Variants in ATP13A5 observed in about 807,000 individuals in gnomAD.
ATP13A5 encodes ATPase 13A5.
ATP13A5 carries 149 observed loss-of-function variants against 150.2 expected under a neutral mutation model. That is an observed-to-expected ratio of 0.99 (90% CI 0.87 to 1.14). The LOEUF (loss-of-function observed/expected upper bound fraction) is 1.14, where lower values mean the gene tolerates loss of function less well. ATP13A5 is among the 50% of genes most tolerant of loss of function. The probability of loss-of-function intolerance (pLI) is 0.00; values close to 1 mark genes in which losing one functional copy is unlikely to be tolerated. For missense variants in ATP13A5, 1,383 were observed against 1,449.3 expected (o/e 0.95, Z 0.74); for synonymous variants, 497 against 522.2 (o/e 0.95, Z 0.66).
At chr3:193,329,917 T>C (rs1033286541) in intron 12 of ATP13A5, among the ~76,000 whole-genome samples, 11 of 152,146 alleles carry the variant, frequency 7.2e-5, no homozygotes, top group African/African-American at 2.7e-4. Flanking sequence ...AGAAAACACC[T>C]AAAGAAATGT....
intron 6 of ATP13A5, 147 bp downstream of exon 6, chr3:193,353,980 C>T (rs560606245): frequency 6.5e-5 from 39 of 598,354 alleles, no homozygotes; most frequent in Admixed American, 1.0e-4. Context: ...TTAAAGTAAA[C>T]CTGAGTTTAA....
chr3:193,294,613 T>C (rs1002973639), intron 25 of ATP13A5, among the ~76,000 whole-genome samples: 4 of 152,072 alleles, frequency 2.6e-5, no homozygotes, highest in African/African-American at 7.2e-5. Context: ...TGTGATGGTA[T>C]TGTCTCTTCC....
At chr3:193,320,991 C>T (rs188058860) in intron 16 of ATP13A5, among the ~76,000 whole-genome samples, 3 of 152,284 alleles carry the variant, frequency 2.0e-5, no homozygotes, top group East Asian at 3.9e-4. Context: ...CTCCTCCCAT[C>T]GATCTGATTC....
intron 17 of ATP13A5, among the ~76,000 whole-genome samples, chr3:193,315,458 T>C (rs180720627): frequency 4.9e-4 from 74 of 152,330 alleles, no homozygotes; most frequent in Non-Finnish European, 8.8e-4. Context: ...TTTCAGTTTA[T>C]TTGGCATTTA....
chr3:193,357,255 A>T (rs1468866286), intron 5 of ATP13A5, among the ~76,000 whole-genome samples: 5 of 152,178 alleles, frequency 3.3e-5, no homozygotes, highest in Non-Finnish European at 7.3e-5. Context: ...TTTAGAAAGC[A>T]AGCCTAGAGT....
At chr3:193,295,428 C>T (rs146945685) in intron 25 of ATP13A5, among the ~76,000 whole-genome samples, 7 of 152,124 alleles carry the variant, frequency 4.6e-5, no homozygotes, top group South Asian at 4.2e-4. Context: ...CCCAGATTAT[C>T]GGAAGCCATC....
chr3:193,374,927 GC>G (rs1673963494), intron 1 of ATP13A5, among the ~76,000 whole-genome samples: 1 of 152,070 alleles, frequency 6.6e-6, no homozygotes, highest in African/African-American at 2.4e-5. Flanking sequence ...GTGCTCTCTT[GC>G]CCTTTTACCT....
chr3:193,312,973 C>T (rs1269908159), intron 19 of ATP13A5: 2 of 152,160 alleles, frequency 1.3e-5, no homozygotes, highest in East Asian at 1.9e-4. Context: ...AACTGTGATA[C>T]AGCTTCTCCT....
At chr3:193,302,754 G>C (rs1378335028) in intron 23 of ATP13A5, among the ~76,000 whole-genome samples, 1 of 152,142 alleles carries the variant, frequency 6.6e-6, no homozygotes, top group African/African-American at 2.4e-5. Flanking sequence ...AAAATCCGTG[G>C]ATTTGATCCT....
chr3:193,294,699 A>G (rs989905371), intron 25 of ATP13A5, among the ~76,000 whole-genome samples: 3 of 152,114 alleles, frequency 2.0e-5, no homozygotes, highest in Admixed American at 6.6e-5. Flanking sequence ...ATGAGAATAC[A>G]GATACTCTTT....
intron 13 of ATP13A5, among the ~76,000 whole-genome samples, chr3:193,325,822 A>C (rs1195438527): frequency 6.6e-6 from 1 of 152,130 alleles, no homozygotes; most frequent in Non-Finnish European, 1.5e-5. Flanking sequence ...CTGAATAGTG[A>C]TTGTGTCTAG....
At chr3:193,310,824 T>C (rs937566299) in intron 20 of ATP13A5, 107 bp from the exon 21 acceptor site, 134 of 717,986 alleles carry the variant, frequency 1.9e-4, no homozygotes, top group African/African-American at 2.9e-4. Context: ...TAATACAGCA[T>C]TGGATGGTAT....
chr3:193,282,760 C>T (rs1180355448), intron 27 of ATP13A5, among the ~76,000 whole-genome samples: 2 of 152,050 alleles, frequency 1.3e-5, no homozygotes, highest in African/African-American at 4.8e-5. Context: ...TAACAAAAAG[C>T]AAGAATAAAT....
At chr3:193,285,205 G>C (rs1305421880) in intron 26 of ATP13A5, 89 bp from the exon 27 acceptor site, 3 of 1,084,874 alleles carry the variant, frequency 2.8e-6, no homozygotes, top group Non-Finnish European at 4.0e-6. Flanking sequence ...ACTACCATGG[G>C]ATTTTAGCTT....
chr3:193,295,467 T>A (rs896086722), intron 25 of ATP13A5, among the ~76,000 whole-genome samples: 8 of 152,032 alleles, frequency 5.3e-5, no homozygotes, highest in Admixed American at 1.3e-4. Flanking sequence ...CCAAAGCATC[T>A]GCTGTTTTCT....
chr3:193,294,291 T>A (rs73074706), intron 25 of ATP13A5, among the ~76,000 whole-genome samples: 2,289 of 152,140 alleles, frequency 0.015, 73 homozygotes, highest in African/African-American at 0.052. Flanking sequence ...TCCAAGTTCC[T>A]GTTCTTAGAT....
intron 17 of ATP13A5, among the ~76,000 whole-genome samples, chr3:193,318,208 A>G (rs1719124449): frequency 2.6e-5 from 4 of 152,212 alleles, no homozygotes; most frequent in African/African-American, 7.2e-5. Context: ...TTAGGTTGCA[A>G]ATAATAATGT....
intron 18 of ATP13A5, 126 bp downstream of exon 18, chr3:193,314,845 AG>A (rs1426565624): frequency 6.5e-6 from 8 of 1,235,390 alleles, no homozygotes; most frequent in Non-Finnish European, 9.1e-6. Context: ...AAGGGACTAC[AG>A]GGTAACAAAT....
intron 11 of ATP13A5, among the ~76,000 whole-genome samples, chr3:193,333,191 A>ACG (rs1186014177): frequency 1.3e-5 from 2 of 151,784 alleles, no homozygotes; most frequent in African/African-American, 4.8e-5. Flanking sequence ...ACACACACAC[A>ACG]CACGCTCATT....
Sources: gnomAD v4.1 joint callset for allele counts (sites outside exome capture counted in the v4.1 genomes callset) on GRCh38, gnomAD v4.1.1 for gene constraint, MANE v1.5 for transcripts, NCBI Gene and HGNC (gene_info 2026-07-23, HGNC 2026-07-21) for gene names.